MAGI3: variants seen among roughly 807,000 people sequenced by gnomAD.
The protein encoded by MAGI3 is membrane-associated guanylate kinase, WW and PDZ domain-containing protein 3.
Under a neutral mutation model 121.8 loss-of-function variants are expected in MAGI3, and 43 were observed. The observed-to-expected ratio is 0.35, with a 90% CI of 0.28 to 0.46. MAGI3 has a LOEUF of 0.46. Among genes scored for constraint, MAGI3 ranks in the 20% least tolerant of loss-of-function variants. The pLI is 1.00. For synonymous variants in MAGI3, 553 were observed against 639.3 expected (o/e 0.86, Z 2.04); for missense variants, 1,547 against 1,797.3 (o/e 0.86, Z 2.52).
At chr1:113,539,519 G>A (rs1433512688) in intron 1 of MAGI3, among the ~76,000 whole-genome samples, 1 of 151,526 alleles carries the variant, frequency 6.6e-6, no homozygotes, top group Non-Finnish European at 1.5e-5. Context: ...TTTTATGTGT[G>A]TCGCTTACAT....
At position 113,549,542 on chromosome 1, in the gene MAGI3, A is replaced by G. The variant is rs1203886094; in HGVS notation, c.344A>G (p.His115Arg). ...AAAGTCATTAATAAAGATTTGCGGC[A>G]TTACCTAAGTCTTCAGTTTCAAAAA... is the stretch of plus-strand genomic sequence containing the variant. ...PGKVINKDLRHYLSLQFQKGS... is the reference protein window; with the variant it reads ...PGKVINKDLRRYLSLQFQKGS... The change falls in exon 2 of 21, where the codon CAT becomes CGT. Residue 115 changes from histidine (H) to arginine (R), a missense_variant. By Grantham distance (29) the His-to-Arg change is conservative (BLOSUM62 0). Transcript: ENST00000307546. 6.2e-7 allele frequency: 1 copy of G among 1,602,050 alleles called. No individual in the cohort carries two copies. The highest frequency in any genetic ancestry group is 2.2e-5 in the East Asian group (1 of 44,652).
chr1:113,505,263 G>A (rs995015472), intron 1 of MAGI3, among the ~76,000 whole-genome samples: 1 of 152,008 alleles, frequency 6.6e-6, no homozygotes, highest in Non-Finnish European at 1.5e-5. Flanking sequence ...GAATGTAATG[G>A]CTAACCCTTT....
At chr1:113,590,356 G>A in intron 4 of MAGI3, 128 bp from the exon 5 acceptor site, 1 of 840,160 alleles carries the variant, frequency 1.2e-6, no homozygotes, top group Non-Finnish European at 1.9e-6. Context: ...ATAGCAGAAT[G>A]TGGACATAAT....
At chr1:113,578,271 T>C (rs984049563) in intron 2 of MAGI3, among the ~76,000 whole-genome samples, 4 of 152,176 alleles carry the variant, frequency 2.6e-5, no homozygotes, top group Non-Finnish European at 5.9e-5. Flanking sequence ...TTACATTAAA[T>C]TAATCAAAGC....
chr1:113,426,465 T>C (rs1357105337), intron 1 of MAGI3, among the ~76,000 whole-genome samples: 2 of 152,244 alleles, frequency 1.3e-5, no homozygotes, highest in African/African-American at 4.8e-5. Context: ...CTAGTAGTTT[T>C]ATCAGTTGAT....
chr1:113,561,332 G>C (rs1461480779), intron 2 of MAGI3, among the ~76,000 whole-genome samples: 1 of 152,132 alleles, frequency 6.6e-6, no homozygotes, highest in Non-Finnish European at 1.5e-5. Flanking sequence ...CTTCAGGCCA[G>C]TATCCCTAAT....
At chr1:113,618,253 T>C (rs905123163) in intron 7 of MAGI3, among the ~76,000 whole-genome samples, 1 of 151,918 alleles carries the variant, frequency 6.6e-6, no homozygotes, top group African/African-American at 2.4e-5. Flanking sequence ...GGGAATATCG[T>C]TTGAGCCTGA....
rs113902871 is a variant in MAGI3 at position 113,530,602 on chromosome 1, T to TA, written c.317-18901dup. ...GTACCCAGAAACCTAAAATAAAAGT[T>TA]AAAAAAAAAAAAGACAACTTAGAAA... On this transcript the variant is annotated intron_variant, in intron 1 of 20. Transcript: ENST00000307546. Among the ~76,000 whole-genome samples the TA allele has an allele frequency of 3.4e-3, 490 of 144,006 alleles. 2 individuals carry two copies. Among genetic ancestry groups the TA allele is most frequent in the African/African-American group, 0.011 (423 of 38,934 alleles). 94.5% of individuals were successfully genotyped at this position (144,006 alleles called of 152,430 possible).
chr1:113,488,283 G>T (rs1162667038), intron 1 of MAGI3, among the ~76,000 whole-genome samples: 4 of 152,230 alleles, frequency 2.6e-5, no homozygotes, highest in African/African-American at 9.6e-5. Context: ...CTGTAGTGGT[G>T]CATGGCCAGG....
intron 1 of MAGI3, among the ~76,000 whole-genome samples, chr1:113,493,482 A>G (rs1656764471): frequency 6.6e-6 from 1 of 152,224 alleles, no homozygotes; most frequent in Non-Finnish European, 1.5e-5. Flanking sequence ...AATTTTCATG[A>G]CAAAGATGCC....
rs748564100 is a variant in MAGI3 at position 113,651,120 on chromosome 1, C to T, written c.2354C>T (p.Ser785Leu). 4 of 1,614,156 alleles carry T rather than the reference C, an allele frequency of 2.5e-6. No individual in the cohort carries two copies. Among genetic ancestry groups the T allele is most frequent in the Middle Eastern group, 1.6e-4 (1 of 6,062 alleles). Residue 785 changes from serine (S) to leucine (L), a missense_variant, in exon 14 of 21, where the codon TCA becomes TTA. By Grantham distance (145) the Ser-to-Leu change is moderately radical. Transcript: ENST00000307546. ...GATGGAATTCCTGTTAAAGGGAAAT[C>T]ACACAAACAAGTCTTGGACCTCATG... is the stretch of plus-strand genomic sequence containing the variant. ...CIDGIPVKGKSHKQVLDLMTT... is the reference protein window; with the variant it reads ...CIDGIPVKGKLHKQVLDLMTT...
chr1:113,432,659 T>C (rs1653363729), intron 1 of MAGI3, among the ~76,000 whole-genome samples: 1 of 152,062 alleles, frequency 6.6e-6, no homozygotes, highest in Non-Finnish European at 1.5e-5. Context: ...AAAGGAAGGA[T>C]TTTATGTTTA....
At chr1:113,442,592 T>TAA (rs1653971262) in intron 1 of MAGI3, among the ~76,000 whole-genome samples, 1 of 151,876 alleles carries the variant, frequency 6.6e-6, no homozygotes, top group Non-Finnish European at 1.5e-5. Flanking sequence ...CATATATATA[T>TAA]AACGTACAGG....
At chr1:113,423,938 T>C (rs1652864306) in intron 1 of MAGI3, among the ~76,000 whole-genome samples, 1 of 152,092 alleles carries the variant, frequency 6.6e-6, no homozygotes, top group South Asian at 2.1e-4. Flanking sequence ...CCCAAGTGCT[T>C]GCACACCCGG....
At chr1:113,433,896 C>A (rs1190228992) in intron 1 of MAGI3, among the ~76,000 whole-genome samples, 1 of 152,148 alleles carries the variant, frequency 6.6e-6, no homozygotes, top group African/African-American at 2.4e-5. Flanking sequence ...TGTTGAGTCA[C>A]AATTTGTGAT....
intron 1 of MAGI3, among the ~76,000 whole-genome samples, chr1:113,545,819 G>C (rs945569346): frequency 3.3e-5 from 5 of 151,306 alleles, no homozygotes; most frequent in African/African-American, 7.3e-5. Context: ...GCAAAGTCTG[G>C]CTATGTTAAG....
intron 1 of MAGI3, among the ~76,000 whole-genome samples, chr1:113,531,058 A>C (rs1173830837): frequency 6.6e-6 from 1 of 152,236 alleles, no homozygotes; most frequent in Non-Finnish European, 1.5e-5. Context: ...AACTTGAATA[A>C]TTTTGAAACA....
intron 1 of MAGI3, among the ~76,000 whole-genome samples, chr1:113,469,220 G>A (rs549468770): frequency 9.4e-4 from 143 of 152,266 alleles, no homozygotes; most frequent in African/African-American, 3.2e-3. Flanking sequence ...GGGACATTAA[G>A]TAACAAAATG....
At chr1:113,639,353 G>T (rs886401602) in intron 9 of MAGI3, among the ~76,000 whole-genome samples, 2 of 152,220 alleles carry the variant, frequency 1.3e-5, no homozygotes, top group Non-Finnish European at 2.9e-5. Context: ...GTAGACCGGA[G>T]CTGTTCCTAT....
Sources: gnomAD v4.1 joint callset for allele counts (sites outside exome capture counted in the v4.1 genomes callset) on GRCh38, gnomAD v4.1.1 for gene constraint, MANE v1.5 for transcripts, NCBI Gene and HGNC (gene_info 2026-07-23, HGNC 2026-07-21) for gene names.